Variants in SNX14 observed in about 807,000 individuals in gnomAD.
SNX14 encodes sorting nexin 14.
SNX14 carries 93 observed loss-of-function variants against 133.8 expected under a neutral mutation model. The observed-to-expected ratio is 0.70, with a 90% CI of 0.59 to 0.83. The LOEUF (loss-of-function observed/expected upper bound fraction) is 0.83. SNX14 is among the 40% of genes least tolerant of loss of function. The pLI, the probability that SNX14 is intolerant of heterozygous loss-of-function variation, is 0.00. For synonymous variants in SNX14, 368 were observed against 365.6 expected (o/e 1.01, Z -0.07); for missense variants, 945 against 1,094.9 (o/e 0.86, Z 1.93).
At chr6:85,530,431 G>A (rs1355005799) in intron 18 of SNX14, among the ~76,000 whole-genome samples, 156 bp from the exon 19 acceptor site, 1 of 152,084 alleles carries the variant, frequency 6.6e-6, no homozygotes, top group Non-Finnish European at 1.5e-5. Flanking sequence ...GATCATTTGA[G>A]GTCAGGAGTT....
intron 19 of SNX14, among the ~76,000 whole-genome samples, chr6:85,529,008 C>T (rs1242407379): frequency 6.7e-6 from 1 of 149,496 alleles, no homozygotes; most frequent in Non-Finnish European, 1.5e-5. Flanking sequence ...GTTGAGAGCA[C>T]ACCACTGCAC....
intron 1 of SNX14, chr6:85,589,085 C>G: frequency 3.3e-6 from 1 of 298,866 alleles, no homozygotes; most frequent in South Asian, 3.0e-5. Context: ...TTATATAGTA[C>G]TGATCTTTCT....
chr6:85,521,319 G>A (rs950760830), intron 21 of SNX14, among the ~76,000 whole-genome samples: 14 of 152,002 alleles, frequency 9.2e-5, no homozygotes, highest in African/African-American at 2.2e-4. Context: ...CTGTAACCTC[G>A]AACTTTCTGG....
chr6:85,589,061 C>A, intron 1 of SNX14: 4 of 359,628 alleles, frequency 1.1e-5, no homozygotes, highest in Non-Finnish European at 2.2e-5. Context: ...CGTTTCATTT[C>A]TCTAAAAACA....
At chr6:85,518,158 G>T in intron 21 of SNX14, 110 bp from the exon 22 acceptor site, 1 of 847,944 alleles carries the variant, frequency 1.2e-6, no homozygotes, top group Non-Finnish European at 1.9e-6. Context: ...AGTTAAAACT[G>T]TAAAAGTATT....
chr6:85,520,646 C>A (rs1303718785), intron 21 of SNX14, among the ~76,000 whole-genome samples: 1 of 152,192 alleles, frequency 6.6e-6, no homozygotes, highest in Non-Finnish European at 1.5e-5. Context: ...GTGTGAGCCA[C>A]CACGCCCAAC....
intron 6 of SNX14, among the ~76,000 whole-genome samples, chr6:85,560,385 A>C (rs900187546): frequency 4.6e-5 from 7 of 152,218 alleles, no homozygotes; most frequent in African/African-American, 1.7e-4. Flanking sequence ...CAGTCACAAA[A>C]GGCCACATAT....
chr6:85,550,616 A>G (rs932055443), intron 7 of SNX14, among the ~76,000 whole-genome samples: 5 of 151,896 alleles, frequency 3.3e-5, no homozygotes, highest in African/African-American at 9.7e-5. Flanking sequence ...CTCCGACTTG[A>G]GCCTCCAGAG....
intron 1 of SNX14, among the ~76,000 whole-genome samples, chr6:85,577,725 G>A (rs1419594674): frequency 1.3e-5 from 2 of 151,986 alleles, no homozygotes; most frequent in East Asian, 3.9e-4. Context: ...AAGGAATCAA[G>A]TAATTAGAAG....
At chr6:85,542,093 T>TGTTTTAATGTTAATTG in intron 14 of SNX14, 50 bp from the exon 15 acceptor site, 1 of 1,255,462 alleles carries the variant, frequency 8.0e-7, no homozygotes, top group Non-Finnish European at 1.1e-6. Flanking sequence ...ACAATTAACA[T>TGTTTTAATGTTAATTG]TAAAACATGT....
At chr6:85,548,442 G>T in intron 8 of SNX14, 66 bp from the exon 9 acceptor site, 2 of 1,207,866 alleles carry the variant, frequency 1.7e-6, no homozygotes, top group Admixed American at 4.5e-5. Flanking sequence ...ACTTTCAAGT[G>T]CATGTGAATT....
rs775603083 is a variant in SNX14 at position 85,514,500 on chromosome 6, T to C, written c.2392+6A>G. The C allele has an allele frequency of 1.9e-6, 3 of 1,612,292 alleles. No homozygotes were observed. Among genetic ancestry groups the C allele is most frequent in the African/African-American group, 2.7e-5 (2 of 74,992 alleles). On this transcript the variant is annotated splice_donor_region_variant and intron_variant, in intron 24 of 28. Coordinates refer to ENST00000314673, the MANE Select transcript of SNX14 (RefSeq NM_153816.6). ...AAAAACAAGTCTTAAACCACTTAGA[T>C]CTTACCTACATACATCAGGTAATCA... is the stretch of plus-strand genomic sequence containing the variant.
chr6:85,581,609 G>T (rs1031773110), intron 1 of SNX14: 1 of 152,086 alleles, frequency 6.6e-6, no homozygotes, highest in African/African-American at 2.4e-5. Context: ...ATAACACAGA[G>T]AAGGAATAAA....
chr6:85,531,982 C>A (rs1000385643), intron 18 of SNX14, among the ~76,000 whole-genome samples: 1 of 151,940 alleles, frequency 6.6e-6, no homozygotes, highest in African/African-American at 2.4e-5. Flanking sequence ...GAGCCACAGT[C>A]ATGCCACTGC....
chr6:85,546,419 T>C (rs1785497198), intron 12 of SNX14, among the ~76,000 whole-genome samples: 1 of 152,232 alleles, frequency 6.6e-6, no homozygotes, highest in Non-Finnish European at 1.5e-5. Context: ...TAATCTATAA[T>C]GCTACAGAGC....
intron 6 of SNX14, 70 bp from the exon 7 acceptor site, chr6:85,558,130 T>G: frequency 2.6e-6 from 2 of 763,442 alleles, no homozygotes; most frequent in Non-Finnish European, 4.5e-6. Flanking sequence ...ACACTACAAT[T>G]ATGATATTGG....
chr6:85,574,116 A>AAC, intron 2 of SNX14, 142 bp downstream of exon 2: 1 of 503,356 alleles, frequency 2.0e-6, no homozygotes, highest in Non-Finnish European at 2.8e-6. Flanking sequence ...TACCTAAAAA[A>AAC]AACAAAAAAA....
intron 26 of SNX14, chr6:85,508,558 T>C (rs1771595316): frequency 4.4e-6 from 1 of 225,454 alleles, no homozygotes; most frequent in African/African-American, 2.3e-5. Flanking sequence ...GTGCTCTTAA[T>C]ATCAGAAAAA....
chr6:85,506,050 T>G, intron 28 of SNX14, 45 bp from the exon 29 acceptor site: 2 of 1,304,680 alleles, frequency 1.5e-6, no homozygotes, highest in Non-Finnish European at 2.2e-6. Flanking sequence ...AGACACAGGT[T>G]CATTTGTAAA....
Sources: allele counts gnomAD v4.1 joint callset (sites outside exome capture counted in the v4.1 genomes callset), GRCh38; gene constraint gnomAD v4.1.1; transcripts MANE v1.5; gene names NCBI Gene and HGNC (gene_info 2026-07-23, HGNC 2026-07-21).